Variants in FANCG observed in about 807,000 individuals in gnomAD.
FANCG encodes FA complementation group G.
FANCG carries 67 observed loss-of-function variants against 73.3 expected under a neutral mutation model. The ratio of observed to expected loss-of-function variants is 0.91; its 90% CI spans 0.75 to 1.12. The LOEUF is 1.12. Ranked by LOEUF, FANCG falls within the 50% of genes most tolerant of loss-of-function variation. The pLI is 0.00. For missense variants in FANCG, 643 were observed against 735.6 expected, an observed-to-expected ratio of 0.87 and a Z score of 1.46; for synonymous variants, 297 against 311.6, an observed-to-expected ratio of 0.95 and a Z score of 0.49.
intron 4 of FANCG, 37 bp downstream of exon 4, chr9:35,078,104 G>C: frequency 1.9e-6 from 3 of 1,576,124 alleles, no homozygotes; most frequent in Non-Finnish European, 2.6e-6. Context: ...AGGAAGGAAG[G>C]AGGAGACCCT....
rs1829147429 is a variant in FANCG, at chr9:35,079,649, T to G, written c.-125A>C. ...CTGCACCCCGCCGAGCTCCCCTGCT[T>G]CTCTCGGGGTCCCAATCCACCCGCC... On this transcript the variant is annotated 5_prime_UTR_variant, in exon 1 of 14. Coordinates refer to ENST00000378643, the MANE Select transcript of FANCG (RefSeq NM_004629.2). The G allele has an allele frequency of 2.2e-6, 2 of 913,416 alleles. No individual in the cohort carries two copies. Among genetic ancestry groups the G allele is most frequent in the Non-Finnish European group, 3.5e-6 (2 of 568,292 alleles). The allele number at this position is 913,416 out of a possible 1,614,324, so 56.6% of individuals were successfully genotyped here.
chr9:35,075,062 G>C lies in FANCG; in HGVS notation c.1501C>G (p.Gln501Glu). Residue 501 changes from glutamine (Q) to glutamate (E), a missense_variant, in exon 12 of 14, where the codon CAG becomes GAG. Gln to Glu is a conservative substitution (Grantham distance 29). Coordinates refer to ENST00000378643, the MANE Select transcript of FANCG (RefSeq NM_004629.2). Reference sequence around the variant, plus strand: ...AGTGCCGCATCTGACTTACATCCCTGCTCACAGTTGAAAGCTGCCCCTGGG... The same window carrying C: ...AGTGCCGCATCTGACTTACATCCCTCCTCACAGTTGAAAGCTGCCCCTGGG... ...KEQGAAFNCE[Q>E]GCKSDAALQQ... 29 of 1,614,074 alleles carry C rather than the reference G, an allele frequency of 1.8e-5. No homozygotes were observed. Among genetic ancestry groups the C allele is most frequent in the Non-Finnish European group, 2.5e-5 (29 of 1,180,036 alleles).
At chr9:35,075,133 CA>C (rs766419629) in intron 11 of FANCG, 51 bp from the exon 12 acceptor site, 10 of 1,611,868 alleles carry the variant, frequency 6.2e-6, no homozygotes, top group Non-Finnish European at 8.5e-7. Flanking sequence ...TCACAGTCAC[CA>C]AAACCCCAAA....
Position 35,074,072 on chromosome 9 carries a change from C to T in FANCG, c.*36G>A, listed in dbSNP as rs1474962460. 2.3e-5 allele frequency: 34 copies of T among 1,506,462 alleles called. No individual in the cohort carries two copies. The highest frequency in any genetic ancestry group is 3.1e-5 in the Non-Finnish European group (34 of 1,082,168). The allele number at this position is 1,506,462 out of a possible 1,614,324, so 93.3% of individuals were successfully genotyped here. ...GCCCTCCCCACAGAGAGACAGCCCA[C>T]TGGGGACCCAGCTCAAGCTCTTCAA... On this transcript the variant is annotated 3_prime_UTR_variant, in exon 14 of 14. Coordinates refer to ENST00000378643, the MANE Select transcript of FANCG (RefSeq NM_004629.2).
In FANCG at chr9:35,079,237, G is replaced by A. The variant is rs1245299329; in HGVS notation, c.89C>T (p.Ala30Val). 2 of 1,606,322 alleles carry A rather than the reference G, an allele frequency of 1.2e-6. No homozygotes were observed. The highest frequency in any genetic ancestry group is 1.7e-6 in the Non-Finnish European group (2 of 1,176,752). The change falls in exon 2 of 14, where the codon GCT (alanine) becomes GTT (valine). Residue 30 changes from alanine to valine, a missense_variant. By Grantham distance (64) the Ala-to-Val change is moderately conservative. Transcript: ENST00000378643. ...CCTCAGAGTCAGACCGGAGTTCTGAGCCACCTGCCACATGAGGGAGGGGTT... is the reference window on the plus strand; with the variant it reads ...CCTCAGAGTCAGACCGGAGTTCTGAACCACCTGCCACATGAGGGAGGGGTT... Reference protein sequence around the residue: ...NDRLVRQAKVAQNSGLTLRRQ... With the variant: ...NDRLVRQAKVVQNSGLTLRRQ...
At position 35,079,941 on chromosome 9, in the gene FANCG, G is replaced by A. The variant is rs1041544090; in HGVS notation, c.-417C>T. The A allele has an allele frequency of 2.6e-6, 1 of 388,284 alleles. No homozygotes were observed. The highest frequency in any genetic ancestry group is 2.8e-5 in the South Asian group (1 of 36,324). The allele number at this position is 388,284 out of a possible 1,614,324, so 24.1% of individuals were successfully genotyped here. ...TCGCGGAGGCCACAGCCTCGAGAAA[G>A]GGTGGGCGGGAGCGAGTTTCGGCCC... On this transcript the variant is annotated 5_prime_UTR_variant, in exon 1 of 14. Transcript: ENST00000378643.
intron 8 of FANCG, 125 bp downstream of exon 8, chr9:35,076,307 G>A (rs1587141089): frequency 8.7e-7 from 1 of 1,151,716 alleles, no homozygotes; most frequent in East Asian, 2.3e-5. Context: ...AGGCTGAGGA[G>A]TGGCGACCTA....
chr9:35,074,913 G>C lies in FANCG; in HGVS notation c.1636+14C>G. 5 of 1,614,160 alleles carry C rather than the reference G, an allele frequency of 3.1e-6. No homozygotes were observed. Among genetic ancestry groups the C allele is most frequent in the Non-Finnish European group, 4.2e-6 (5 of 1,180,014 alleles). On this transcript the variant is annotated intron_variant, in intron 12 of 13. Transcript: ENST00000378643. ...CACATCTATGCATAGCCGACGTCAT[G>C]CAAGTATACATACCTGGGCACATCT... is the stretch of plus-strand genomic sequence containing the variant.
At chr9:35,078,568 G>A (rs778990952) in intron 3 of FANCG, 37 bp downstream of exon 3, 3 of 1,614,048 alleles carry the variant, frequency 1.9e-6, no homozygotes, top group East Asian at 2.2e-5. Context: ...CCAGACTGAA[G>A]ATGGCAGGGG....
In FANCG at chr9:35,078,108, A is replaced by G. The variant is rs759918202; in HGVS notation, c.510+33T>C. 1.9e-6 allele frequency: 3 copies of G among 1,582,534 alleles called. No homozygotes were observed. In the Admixed American group the frequency reaches 5.0e-5, roughly 26 times the overall value. On this transcript the variant is annotated intron_variant, in intron 4 of 13. Transcript: ENST00000378643. ...GAGAAAGGAGGAGGAAGGAAGGAGG[A>G]GACCCTCAGCTTCAGGTCACTTTCC...
chr9:35,075,512 G>C lies in FANCG; in HGVS notation c.1386C>G (p.Ala462=), dbSNP rs765965051. The part of the protein sequence containing the change: ...VSATHLLQGQ[A]WVQLGAQKVA... ...CTTTTTGGGCACCCAGTTGAACCCA[G>C]GCCTGGCCCTGAAGCAGGTGGGTGG... The change falls in exon 10 of 14, where the codon GCC becomes GCG. Residue 462 remains alanine (A), a synonymous_variant. Transcript: ENST00000378643. 6.8e-6 allele frequency: 11 copies of C among 1,614,046 alleles called. No individual in the cohort carries two copies. The South Asian group carries it at 1.1e-4, about 16-fold the overall frequency.
At chr9:35,075,853 A>C in intron 9 of FANCG, 99 bp from the exon 10 acceptor site, 1 of 1,533,706 alleles carries the variant, frequency 6.5e-7, no homozygotes, top group Non-Finnish European at 9.0e-7. Flanking sequence ...GGGCCCCCAG[A>C]CTGGACAGAC....
rs921564097 is a variant in FANCG, at chr9:35,078,136, A to G, written c.510+5T>C. ...CCCTCAGCTTCAGGTCACTTTCCCT[A>G]TTACCTGGCTGCCATTCAGGGTCTC... On this transcript the variant is annotated splice_donor_5th_base_variant and intron_variant, in intron 4 of 13. Transcript: ENST00000378643. 8.1e-6 allele frequency: 13 copies of G among 1,613,628 alleles called. No homozygotes were observed. In the East Asian group the frequency reaches 2.7e-4, roughly 33 times the overall value.
At chr9:35,075,844 G>A in intron 9 of FANCG, 90 bp from the exon 10 acceptor site, 1 of 1,535,284 alleles carries the variant, frequency 6.5e-7, no homozygotes, top group Non-Finnish European at 9.0e-7. Context: ...CAGAGTCCTG[G>A]GCCCCCAGAC....
In FANCG at chr9:35,075,624, G is replaced by C. The variant is rs1374343389; in HGVS notation, c.1274C>G (p.Ser425Ter). Residue 425 changes from serine (S) to a stop codon, truncating the protein, a stop_gained, in exon 10 of 14, where the codon TCA becomes TGA. Transcript: ENST00000378643. LOFTEE classifies it high-confidence loss of function. Reference sequence around the variant, plus strand: ...CCGGGACATCTTGGGTAGCAGAGATGATGTGCGGCTGAGCAACTCCTCACA... The same window carrying C: ...CCGGGACATCTTGGGTAGCAGAGATCATGTGCGGCTGAGCAACTCCTCACA... ...TLCEELLSRTSSLLPKMSRLW... is the reference protein window; with the variant it reads ...TLCEELLSRT The C allele has an allele frequency of 6.2e-7, 1 of 1,613,862 alleles. No individual in the cohort carries two copies. Among genetic ancestry groups the C allele is most frequent in the East Asian group, 2.2e-5 (1 of 44,864 alleles).
chr9:35,077,101 C>T lies in FANCG; in HGVS notation c.647G>A (p.Gly216Asp), dbSNP rs1259891294. The T allele has an allele frequency of 6.2e-7, 1 of 1,614,174 alleles. No homozygotes were observed. Among genetic ancestry groups the T allele is most frequent in the Non-Finnish European group, 8.5e-7 (1 of 1,180,026 alleles). ...GTTCCCTGTGATCAGCTCCTGGAGA[C>T]CTGAGGACAGTCAGGGTGTGAGCTT... The part of the protein sequence containing the change: ...VLLTAFAYRQ[G>D]LQELITGNPD... Residue 216 changes from glycine (G) to aspartate (D), a missense_variant and splice_region_variant, in exon 6 of 14, where the codon GGT (glycine) becomes GAT (aspartate). Gly to Asp is a moderately conservative substitution (Grantham distance 94). Coordinates refer to ENST00000378643, the MANE Select transcript of FANCG (RefSeq NM_004629.2).
At position 35,075,746 on chromosome 9, in the gene FANCG, TGGGGA is replaced by T; in HGVS notation, c.1147_1151del (p.Ser383ThrfsTer11). 2.0e-6 allele frequency: 1 copy of T among 504,278 alleles called. No homozygotes were observed. Among genetic ancestry groups the T allele is most frequent in the Non-Finnish European group, 3.6e-6 (1 of 274,832 alleles). 31.2% of individuals were successfully genotyped at this position (504,278 alleles called of 1,614,324 possible). ...TACAGGGCCCTGGAGGGGAGGGGGG[TGGGGA>T]GAACTGGAGTGGGAAGAAGAAGCAG... is the stretch of plus-strand genomic sequence containing the variant. On this transcript the variant is annotated frameshift_variant, in exon 10 of 14. Transcript: ENST00000378643. LOFTEE classifies it high-confidence loss of function.
intron 2 of FANCG, 128 bp from the exon 3 acceptor site, chr9:35,078,864 A>G: frequency 7.7e-7 from 1 of 1,299,102 alleles, no homozygotes. Flanking sequence ...CCAGCCAATT[A>G]GCTAAGGATT....
At position 35,079,092 on chromosome 9, in the gene FANCG, C is replaced by A. The variant is rs1313607028; in HGVS notation, c.175+59G>T. 1.1e-5 allele frequency: 15 copies of A among 1,417,016 alleles called. No homozygotes were observed. In the East Asian group the frequency reaches 3.2e-4, roughly 30 times the overall value. The allele number at this position is 1,417,016 out of a possible 1,614,324, so 87.8% of individuals were successfully genotyped here. On this transcript the variant is annotated intron_variant, in intron 2 of 13. Transcript: ENST00000378643. ...TATATCGATCCCAAAAACGCAGGAG[C>A]GGATGTTTCTCTGGCTATGGAAGAG... is the stretch of plus-strand genomic sequence containing the variant.
Sources: gnomAD v4.1 joint callset for allele counts on GRCh38, gnomAD v4.1.1 for gene constraint, MANE v1.5 for transcripts, NCBI Gene and HGNC (gene_info 2026-07-23, HGNC 2026-07-21) for gene names.